Variants in SUSD5 observed in about 807,000 individuals in gnomAD.
The protein encoded by SUSD5 is sushi domain-containing protein 5.
A neutral mutation model predicts 29.5 loss-of-function variants in SUSD5; 33 were observed. The ratio of observed to expected loss-of-function variants is 1.12; its 90% CI spans 0.85 to 1.49. The LOEUF is 1.49. Among genes scored for constraint, SUSD5 ranks in the 40% most tolerant of loss-of-function variants. The pLI is 0.00. For missense variants in SUSD5, 776 were observed against 800.6 expected (o/e 0.97, Z 0.37); for synonymous variants, 308 against 325.3 (o/e 0.95, Z 0.57).
rs113997201 is a variant in SUSD5, at chr3:33,207,828, G to A, written c.389C>T (p.Ala130Val). The change falls in exon 3 of 5, where the codon GCC (alanine) becomes GTC (valine). Residue 130 changes from alanine to valine, a missense_variant. Transcript: ENST00000309558. ...SNPVPGGTYS[A>V]LCIKDEEKPC... ...CTGACCTTCATCCTTAATACAAAGG[G>A]CACTGTATGTGCCACCAGGAACTGG... 3 of 1,613,126 alleles carry A rather than the reference G, an allele frequency of 1.9e-6. No homozygotes were observed. The African/African-American group carries it at 4.0e-5, about 22-fold the overall frequency.
intron 3 of SUSD5, among the ~76,000 whole-genome samples, chr3:33,196,669 G>A (rs1272769330): frequency 6.6e-6 from 1 of 152,138 alleles, no homozygotes; most frequent in Non-Finnish European, 1.5e-5. Context: ...TAAGTCAATA[G>A]GGTAGGCTGA....
chr3:33,193,165 TA>T (rs2031930584), intron 3 of SUSD5, among the ~76,000 whole-genome samples: 1 of 152,096 alleles, frequency 6.6e-6, no homozygotes, highest in Admixed American at 6.6e-5. Flanking sequence ...ATAAGCCAGG[TA>T]AAAAGTCTAG....
At chr3:33,162,423 A>G (rs1209290697) in intron 4 of SUSD5, among the ~76,000 whole-genome samples, 1 of 152,206 alleles carries the variant, frequency 6.6e-6, no homozygotes, top group Non-Finnish European at 1.5e-5. Flanking sequence ...AAATAGAAGA[A>G]GGAGATTTTT....
chr3:33,203,244 T>C (rs183916973), intron 3 of SUSD5, among the ~76,000 whole-genome samples: 2 of 152,332 alleles, frequency 1.3e-5, no homozygotes, highest in Admixed American at 6.5e-5. Context: ...ACATGCTCTT[T>C]CTAAAGGAGA....
intron 4 of SUSD5, among the ~76,000 whole-genome samples, chr3:33,156,184 G>A (rs1433149123): frequency 4.6e-5 from 7 of 151,922 alleles, no homozygotes; most frequent in African/African-American, 1.7e-4. Context: ...AGGATTACAG[G>A]TGCACACCAC....
At chr3:33,175,219 G>T in intron 3 of SUSD5, 145 bp from the exon 4 acceptor site, 1 of 823,154 alleles carries the variant, frequency 1.2e-6, no homozygotes. Context: ...GGTCACCCTG[G>T]CAACTCCAAG....
chr3:33,151,733 G>C lies in SUSD5; in HGVS notation c.*1009C>G, dbSNP rs1391043999. 6.6e-6 allele frequency: 1 copy of C among 152,110 alleles called. No homozygotes were observed. Among genetic ancestry groups the C allele is most frequent in the East Asian group, 1.9e-4 (1 of 5,194 alleles). 9.4% of individuals were successfully genotyped at this position (152,110 alleles called of 1,614,324 possible). ...AGGAAATGGTACTTACTGGTACAAA[G>C]CTAACTTTGTTTTTAAAAAATAATG... On this transcript the variant is annotated 3_prime_UTR_variant, in exon 5 of 5. Transcript: ENST00000309558.
chr3:33,175,471 G>A (rs1011068505), intron 3 of SUSD5, among the ~76,000 whole-genome samples: 17 of 151,778 alleles, frequency 1.1e-4, no homozygotes, highest in African/African-American at 3.4e-4. Flanking sequence ...ACAGCAGAGG[G>A]TATCTTTCCC....
chr3:33,218,738 C>T lies in SUSD5; in HGVS notation c.60G>A (p.Trp20Ter). 4 of 1,368,338 alleles carry T rather than the reference C, an allele frequency of 2.9e-6. No homozygotes were observed. The highest frequency in any genetic ancestry group is 1.7e-5 in the South Asian group (1 of 57,698). The allele number at this position is 1,368,338 out of a possible 1,614,324, so 84.8% of individuals were successfully genotyped here. A position where few individuals can be genotyped will look rare whatever the true frequency, so the allele number is the denominator to read the frequency against. ...ARWHRRLPGL[W>*]AAALLLLGLP... The stretch of plus-strand genomic sequence containing the variant: ...GACCGAGCAGGAGCAGCGCCGCCGC[C>T]CAGAGCCCGGGGAGGCGTCTGTGCC... Residue 20 changes from tryptophan to a stop codon, truncating the protein, a stop_gained, in exon 1 of 5, where the codon TGG (tryptophan) becomes TGA (stop). Coordinates refer to ENST00000309558, the MANE Select transcript of SUSD5 (RefSeq NM_015551.2). LOFTEE classifies it high-confidence loss of function.
At position 33,183,017 on chromosome 3, in the gene SUSD5, G is replaced by A. The variant is rs142400667; in HGVS notation, c.410-7943C>T. Among the ~76,000 whole-genome samples, 699 of 151,606 alleles carry A rather than the reference G, an allele frequency of 4.6e-3. 36 individuals carry two copies. In the East Asian group the frequency reaches 0.12, roughly 26 times the overall value. On this transcript the variant is annotated intron_variant, in intron 3 of 4. Coordinates refer to ENST00000309558, the MANE Select transcript of SUSD5 (RefSeq NM_015551.2). ...TCACCGTGTTAGCCAGGATGGTCTC[G>A]ATCTCCTGACCTCGTGATCCACCCG...
intron 2 of SUSD5, among the ~76,000 whole-genome samples, chr3:33,212,028 T>C (rs1015159263): frequency 3.9e-5 from 6 of 152,320 alleles, no homozygotes; most frequent in Admixed American, 3.9e-4. Context: ...AGTTCTAGTG[T>C]TCTATACCAC....
chr3:33,168,408 C>T (rs2125618151), intron 4 of SUSD5: 1 of 660,378 alleles, frequency 1.5e-6, no homozygotes, highest in Non-Finnish European at 1.9e-6. Context: ...AGTCTCATGC[C>T]TTCTTCTATG....
chr3:33,183,880 G>T (rs1374459387), intron 3 of SUSD5, among the ~76,000 whole-genome samples: 1 of 144,328 alleles, frequency 6.9e-6, no homozygotes, highest in East Asian at 2.0e-4. Flanking sequence ...TACAATTTTA[G>T]GTTAATGGGG....
At chr3:33,211,418 C>G (rs1233148525) in intron 2 of SUSD5, among the ~76,000 whole-genome samples, 1 of 152,140 alleles carries the variant, frequency 6.6e-6, no homozygotes. Context: ...AAAAATATTC[C>G]TACTTGACTA....
intron 2 of SUSD5, among the ~76,000 whole-genome samples, chr3:33,210,110 T>G (rs1024968126): frequency 6.6e-6 from 1 of 152,246 alleles, no homozygotes; most frequent in African/African-American, 2.4e-5. Flanking sequence ...AAATCCTACA[T>G]TGGCTAAATT....
chr3:33,187,770 G>A (rs1041353365), intron 3 of SUSD5, among the ~76,000 whole-genome samples: 1 of 150,834 alleles, frequency 6.6e-6, no homozygotes, highest in African/African-American at 2.4e-5. Flanking sequence ...GTCATTTAAC[G>A]TTAGGTATAT....
At chr3:33,175,459 G>C (rs958190952) in intron 3 of SUSD5, among the ~76,000 whole-genome samples, 7 of 151,942 alleles carry the variant, frequency 4.6e-5, no homozygotes, top group African/African-American at 1.5e-4. Flanking sequence ...AGACTACAGA[G>C]TACAGCAGAG....
intron 3 of SUSD5, among the ~76,000 whole-genome samples, chr3:33,178,757 T>C (rs1034845147): frequency 7.9e-5 from 12 of 152,204 alleles, no homozygotes; most frequent in Non-Finnish European, 1.8e-4. Context: ...GTCTTTTTTG[T>C]AATGTCTTTG....
chr3:33,181,008 T>TA (rs2031659373), intron 3 of SUSD5, among the ~76,000 whole-genome samples: 1 of 149,438 alleles, frequency 6.7e-6, no homozygotes, highest in South Asian at 2.1e-4. Context: ...ATAATAAATT[T>TA]AAAAAATAAA....
Sources: gnomAD v4.1 joint callset for allele counts (sites outside exome capture counted in the v4.1 genomes callset) on GRCh38, gnomAD v4.1.1 for gene constraint, MANE v1.5 for transcripts, NCBI Gene and HGNC (gene_info 2026-07-23, HGNC 2026-07-21) for gene names.